Variants in NDUFA7 observed in about 807,000 individuals in gnomAD.
NDUFA7 encodes the protein NADH:ubiquinone oxidoreductase subunit A7.
In NDUFA7, 18 loss-of-function variants were observed where a neutral mutation model predicts 14.2. That is an observed-to-expected ratio of 1.27 (90% confidence interval 0.88 to 1.88). The LOEUF (loss-of-function observed/expected upper bound fraction) is 1.88, where lower values mean the gene tolerates loss of function less well. Among genes scored for constraint, NDUFA7 ranks in the 40% most tolerant of loss-of-function variants. The probability of loss-of-function intolerance (pLI) is 0.00; values close to 1 mark genes in which losing one functional copy is unlikely to be tolerated. For missense variants in NDUFA7, 172 were observed against 147.3 expected (o/e 1.17, Z -0.87); for synonymous variants, 75 against 62.1 (o/e 1.21, Z -0.98).
chr19:8,318,635 C>T (rs369975210), intron 2 of NDUFA7, among the ~76,000 whole-genome samples: 30 of 138,888 alleles, frequency 2.2e-4, no homozygotes, highest in African/African-American at 7.9e-4. Context: ...CACTGCACTC[C>T]AGCCTGGGTC....
chr19:8,320,724 G>T, intron 2 of NDUFA7, 133 bp downstream of exon 2: 1 of 1,113,342 alleles, frequency 9.0e-7, no homozygotes, highest in Non-Finnish European at 1.3e-6. Context: ...GCAAACCTCT[G>T]CCTCCACAGC....
chr19:8,318,488 G>T (rs1970261400), intron 2 of NDUFA7, among the ~76,000 whole-genome samples: 1 of 151,708 alleles, frequency 6.6e-6, no homozygotes, highest in Non-Finnish European at 1.5e-5. Context: ...AACATGGTAA[G>T]ACCTTGTCTC....
intron 1 of NDUFA7, 57 bp from the exon 2 acceptor site, chr19:8,320,963 G>A (rs2145401953): frequency 6.3e-7 from 1 of 1,595,750 alleles, no homozygotes; most frequent in Non-Finnish European, 8.6e-7. Flanking sequence ...GAGAGGAAAG[G>A]AGAGGGCAAG....
intron 2 of NDUFA7, among the ~76,000 whole-genome samples, chr19:8,318,390 C>A (rs934659666): frequency 6.6e-6 from 1 of 151,784 alleles, no homozygotes; most frequent in East Asian, 2.0e-4. Context: ...CCTTGTGATC[C>A]GCCTGCCTCG....
At chr19:8,309,994 C>T (rs1390240547), downstream of NDUFA7, among the ~76,000 whole-genome samples, 1 of 152,192 alleles carries the variant, frequency 6.6e-6, no homozygotes, top group Non-Finnish European at 1.5e-5. Flanking sequence ...CTGATCTGCC[C>T]TAGGTTTGCC....
chr19:8,310,060 C>T (rs375443070), downstream of NDUFA7, among the ~76,000 whole-genome samples: 52 of 152,298 alleles, frequency 3.4e-4, no homozygotes, highest in African/African-American at 9.6e-4. Flanking sequence ...TGCAGGGTGA[C>T]CATGGTCAAG....
chr19:8,321,223 TAGG>T, intron 1 of NDUFA7, 82 bp downstream of exon 1: 3 of 1,400,512 alleles, frequency 2.1e-6, no homozygotes, highest in Non-Finnish European at 2.9e-6. Flanking sequence ...GGTCCCGGCT[TAGG>T]AGGGAGGTGA....
downstream of NDUFA7, among the ~76,000 whole-genome samples, chr19:8,310,176 T>C (rs1243392534): frequency 2.6e-5 from 4 of 152,118 alleles, no homozygotes; most frequent in African/African-American, 9.7e-5. Context: ...ACGCCTGTAA[T>C]CCCAACACTT....
chr19:8,321,096 T>TAAG, intron 1 of NDUFA7, 190 bp from the exon 2 acceptor site: 1 of 863,390 alleles, frequency 1.2e-6, no homozygotes, highest in Non-Finnish European at 1.8e-6. Flanking sequence ...GATCCAAGGC[T>TAAG]AAGAAGGTCG....
At chr19:8,319,942 T>G (rs189209096) in intron 2 of NDUFA7, among the ~76,000 whole-genome samples, 2 of 152,194 alleles carry the variant, frequency 1.3e-5, no homozygotes, top group African/African-American at 4.8e-5. Context: ...ACCTCCTGTG[T>G]TCAAGCGATT....
chr19:8,318,988 A>AT (rs1353642478), intron 2 of NDUFA7, among the ~76,000 whole-genome samples: 1 of 150,938 alleles, frequency 6.6e-6, no homozygotes, highest in African/African-American at 2.4e-5. Flanking sequence ...AAAAAAAAAA[A>AT]GACCAATAAA....
chr19:8,316,317 T>C (rs1970233199), intron 3 of NDUFA7, among the ~76,000 whole-genome samples, 179 bp downstream of exon 3: 1 of 152,078 alleles, frequency 6.6e-6, no homozygotes. Context: ...AGAGCAAGAC[T>C]CTGTCTCTAA....
At chr19:8,309,473 C>CA (rs531841561), downstream of NDUFA7, among the ~76,000 whole-genome samples, 794 of 133,394 alleles carry the variant, frequency 6.0e-3, 5 homozygotes, top group African/African-American at 0.017. Context: ...GACTCTGTCT[C>CA]AAAAAAAAAA....
chr19:8,318,234 T>G (rs1970258714), intron 2 of NDUFA7, among the ~76,000 whole-genome samples: 1 of 151,858 alleles, frequency 6.6e-6, no homozygotes, highest in Admixed American at 6.6e-5. Context: ...CACTGCAACC[T>G]CCGCCTCCCA....
At chr19:8,320,979 AGG>A (rs1254377957) in intron 1 of NDUFA7, 73 bp from the exon 2 acceptor site, 3 of 1,556,202 alleles carry the variant, frequency 1.9e-6, no homozygotes, top group Non-Finnish European at 2.7e-6. Context: ...GCAAGGGACC[AGG>A]GATGGTCCGG....
intron 2 of NDUFA7, among the ~76,000 whole-genome samples, chr19:8,320,145 C>T (rs533800362): frequency 6.6e-5 from 10 of 152,324 alleles, no homozygotes; most frequent in Admixed American, 2.6e-4. Flanking sequence ...TGAGCCACCG[C>T]GCCCGGTCAG....
At chr19:8,310,878 A>G (rs2145388025), downstream of NDUFA7, 1 of 151,550 alleles carries the variant, frequency 6.6e-6, no homozygotes, top group South Asian at 2.1e-4. Flanking sequence ...ATTAGCGGGT[A>G]TGGTGGTGCA....
At chr19:8,315,979 G>A (rs1224684348) in intron 3 of NDUFA7, among the ~76,000 whole-genome samples, 4 of 151,786 alleles carry the variant, frequency 2.6e-5, no homozygotes, top group African/African-American at 9.7e-5. Flanking sequence ...GTGAAACCCC[G>A]CCTCTACTGA....
chr19:8,313,232 TTC>T (rs1970197934), intron 3 of NDUFA7, among the ~76,000 whole-genome samples: 2 of 149,764 alleles, frequency 1.3e-5, no homozygotes, highest in South Asian at 4.4e-4. Flanking sequence ...ATTCACAGAG[TTC>T]TTTTTTTTTT....
Sources: allele counts gnomAD v4.1 joint callset (sites outside exome capture counted in the v4.1 genomes callset), GRCh38; gene constraint gnomAD v4.1.1; transcripts MANE v1.5; gene names NCBI Gene and HGNC (gene_info 2026-07-23, HGNC 2026-07-21).